Variants in RAB38 observed in about 807,000 individuals in gnomAD.
RAB38 encodes RAB38, member RAS oncogene family, also known as ras-related protein Rab-38.
Under a neutral mutation model 18.4 loss-of-function variants are expected in RAB38, and 15 were observed. That is an observed-to-expected ratio of 0.82 (90% CI 0.55 to 1.26). The LOEUF is 1.26. RAB38 is among the 50% of genes most tolerant of loss of function. RAB38 has a pLI of 0.00. For missense variants in RAB38, 294 were observed against 267.4 expected (o/e 1.10, Z -0.69); for synonymous variants, 101 against 104.4 (o/e 0.97, Z 0.20).
chr11:88,145,957 G>T (rs1375155299), intron 2 of RAB38, among the ~76,000 whole-genome samples: 1 of 152,158 alleles, frequency 6.6e-6, no homozygotes, highest in African/African-American at 2.4e-5. Flanking sequence ...GAAAGCAAAA[G>T]AATGCAAAGG....
the RAB38 span, among the ~76,000 whole-genome samples, chr11:87,974,451 T>G: frequency 6.6e-6 from 1 of 151,644 alleles, no homozygotes; most frequent in Non-Finnish European, 1.5e-5. Context: ...AGAGGCAAAA[T>G]AAGACTTTTT....
At chr11:87,809,721 G>A in the RAB38 span, among the ~76,000 whole-genome samples, 3 of 151,958 alleles carry the variant, frequency 2.0e-5, no homozygotes, top group African/African-American at 7.3e-5. Context: ...AAGATAAATG[G>A]TTTATTCACA....
At chr11:87,887,057 G>T in the RAB38 span, among the ~76,000 whole-genome samples, 2 of 151,912 alleles carry the variant, frequency 1.3e-5, no homozygotes, top group African/African-American at 4.8e-5. Flanking sequence ...TCCCATGGGG[G>T]CCTTTGTGCT....
chr11:87,952,656 T>C, the RAB38 span, among the ~76,000 whole-genome samples: 1 of 152,174 alleles, frequency 6.6e-6, no homozygotes, highest in East Asian at 1.9e-4. Flanking sequence ...TTCAGTACTA[T>C]GCATGGTTTC....
intron 2 of RAB38, among the ~76,000 whole-genome samples, chr11:88,125,109 A>G (rs753651305): frequency 4.6e-5 from 7 of 152,162 alleles, no homozygotes; most frequent in Non-Finnish European, 1.0e-4. Context: ...TCTCACTGCA[A>G]TCATCCTCTA....
the RAB38 span, among the ~76,000 whole-genome samples, chr11:87,868,455 C>T: frequency 1.3e-5 from 2 of 151,418 alleles, no homozygotes; most frequent in Non-Finnish European, 3.0e-5. Flanking sequence ...TTATGAATTA[C>T]CCAGCTTCAA....
the RAB38 span, among the ~76,000 whole-genome samples, chr11:88,071,766 T>C: frequency 2.0e-5 from 3 of 152,130 alleles, no homozygotes; most frequent in Non-Finnish European, 4.4e-5. Context: ...GATACACAAA[T>C]GCAGCAACTG....
the RAB38 span, among the ~76,000 whole-genome samples, chr11:87,933,937 A>G: frequency 6.6e-6 from 1 of 152,126 alleles, no homozygotes; most frequent in African/African-American, 2.4e-5. Flanking sequence ...GCAGAAAGGC[A>G]TCATGAAGAG....
At chr11:88,072,899 A>T in the RAB38 span, among the ~76,000 whole-genome samples, 1 of 152,188 alleles carries the variant, frequency 6.6e-6, no homozygotes, top group Non-Finnish European at 1.5e-5. Flanking sequence ...CTAAGGTTAT[A>T]GTCAGGAACA....
the RAB38 span, among the ~76,000 whole-genome samples, chr11:88,062,431 A>C: frequency 0.022 from 3,343 of 152,288 alleles, 54 homozygotes; most frequent in Non-Finnish European, 0.035. Context: ...TCTTTTCTTT[A>C]TAAATTACCC....
the RAB38 span, among the ~76,000 whole-genome samples, chr11:87,804,706 C>T: frequency 6.6e-6 from 1 of 152,226 alleles, no homozygotes; most frequent in South Asian, 2.1e-4. Context: ...ATTCCATCAT[C>T]TCCTTCTGCT....
At chr11:87,900,312 C>A in the RAB38 span, among the ~76,000 whole-genome samples, 1 of 151,460 alleles carries the variant, frequency 6.6e-6, no homozygotes. Flanking sequence ...AACAAACACT[C>A]CCATAGTATA....
the RAB38 span, among the ~76,000 whole-genome samples, chr11:88,055,725 G>A: frequency 3.9e-5 from 6 of 152,240 alleles, 1 homozygote; most frequent in Admixed American, 3.9e-4. Flanking sequence ...GGAATAAGAA[G>A]TAAAAACCAT....
intron 2 of RAB38, among the ~76,000 whole-genome samples, chr11:88,138,529 A>C (rs1360651223): frequency 6.6e-6 from 1 of 152,160 alleles, no homozygotes; most frequent in African/African-American, 2.4e-5. Context: ...AGAGAAGTAA[A>C]AAGAAAAATA....
chr11:87,956,482 A>G, the RAB38 span, among the ~76,000 whole-genome samples: 1 of 152,168 alleles, frequency 6.6e-6, no homozygotes, highest in South Asian at 2.1e-4. Flanking sequence ...CACCTGCACC[A>G]TGGCCTCCCA....
the RAB38 span, among the ~76,000 whole-genome samples, chr11:87,964,918 C>T: frequency 6.6e-6 from 1 of 152,150 alleles, no homozygotes; most frequent in African/African-American, 2.4e-5. Context: ...TTCTCGCTCA[C>T]TTGCATCCCA....
chr11:87,852,164 TAG>T, the RAB38 span, among the ~76,000 whole-genome samples: 1 of 152,066 alleles, frequency 6.6e-6, no homozygotes, highest in African/African-American at 2.4e-5. Flanking sequence ...CCTCTGGGTA[TAG>T]AGAGAGCACC....
chr11:87,954,125 A>G, the RAB38 span, among the ~76,000 whole-genome samples: 1 of 152,162 alleles, frequency 6.6e-6, no homozygotes, highest in Non-Finnish European at 1.5e-5. Flanking sequence ...AGAACATCCA[A>G]TGATTTTGAG....
At chr11:88,041,533 T>C in the RAB38 span, among the ~76,000 whole-genome samples, 1 of 152,204 alleles carries the variant, frequency 6.6e-6, no homozygotes, top group Non-Finnish European at 1.5e-5. Context: ...GAGTAAACTT[T>C]TTATAGGTCA....
Sources: allele counts gnomAD v4.1 joint callset (sites outside exome capture counted in the v4.1 genomes callset), GRCh38; gene constraint gnomAD v4.1.1; transcripts MANE v1.5; gene names NCBI Gene and HGNC (gene_info 2026-07-23, HGNC 2026-07-21).